ATP10B: variants seen among roughly 807,000 people sequenced by gnomAD.
The protein encoded by ATP10B is phospholipid-transporting ATPase VB.
A neutral mutation model predicts 141.2 loss-of-function variants in ATP10B; 122 were observed. That is an observed-to-expected ratio of 0.86 (90% CI 0.75 to 1.00). The LOEUF (loss-of-function observed/expected upper bound fraction) is 1.00. Among genes scored for constraint, ATP10B ranks in the 50% least tolerant of loss-of-function variants. The pLI, the probability that ATP10B is intolerant of heterozygous loss-of-function variation, is 0.00. For missense variants in ATP10B, 1,876 were observed against 1,825.3 expected (o/e 1.03, Z -0.51); for synonymous variants, 685 against 692.0 (o/e 0.99, Z 0.16).
Position 160,644,142 on chromosome 5 carries a change from A to G in ATP10B, c.864T>C (p.Tyr288=). Residue 288 remains tyrosine (Y), a synonymous_variant, in exon 9 of 26, where the codon TAT becomes TAC. Transcript: ENST00000327245. ...AGAAACTACCCAGACAATGACCTGC[A>G]TAGATGACAATGCCAACAGCCATCT... is the stretch of plus-strand genomic sequence containing the variant. The part of the protein sequence containing the change: ...NTEMAVGIVI[Y]AGHETKAMLN... 6.2e-7 allele frequency: 1 copy of G among 1,613,306 alleles called. No homozygotes were observed. Among genetic ancestry groups the G allele is most frequent in the Non-Finnish European group, 8.5e-7 (1 of 1,179,264 alleles).
Position 160,640,462 on chromosome 5 carries a change from T to C in ATP10B, c.999A>G (p.Val333=). ...ILILMCLIGA[V]GHSIWNGTFE... is the part of the protein sequence containing the mutation. ...TGTTCTTTCCAGAACATCCCATACC[T>C]ACAGCTCCAATAAGGCACATGAGGA... The change falls in exon 10 of 26, where the codon GTA becomes GTG. Residue 333 remains valine, a splice_region_variant and synonymous_variant. Coordinates refer to ENST00000327245, the MANE Select transcript of ATP10B (RefSeq NM_025153.3). 9.9e-6 allele frequency: 16 copies of C among 1,613,978 alleles called. No individual in the cohort carries two copies. Among genetic ancestry groups the C allele is most frequent in the Non-Finnish European group, 1.4e-5 (16 of 1,179,896 alleles).
the ATP10B span, among the ~76,000 whole-genome samples, chr5:160,867,643 A>G: frequency 1.3e-5 from 2 of 152,134 alleles, no homozygotes; most frequent in South Asian, 4.1e-4. Context: ...TAAATGACCA[A>G]TGTTACAGAA....
At chr5:160,700,380 T>C (rs1379300089) in intron 3 of ATP10B, among the ~76,000 whole-genome samples, 1 of 152,212 alleles carries the variant, frequency 6.6e-6, no homozygotes, top group Non-Finnish European at 1.5e-5. Context: ...TTAAGACCCA[T>C]ATACATCTCT....
At chr5:160,707,685 G>A (rs1302237201) in intron 3 of ATP10B, among the ~76,000 whole-genome samples, 1 of 152,104 alleles carries the variant, frequency 6.6e-6, no homozygotes, top group African/African-American at 2.4e-5. Context: ...CAGATGAGTG[G>A]AAGAGAATCT....
rs201312858 is a variant in ATP10B, at chr5:160,688,029, C to T, written c.46G>A (p.Val16Ile). Residue 16 changes from valine (V) to isoleucine (I), a missense_variant, in exon 5 of 26, where the codon GTC becomes ATC. By Grantham distance (29) the Val-to-Ile change is conservative. Transcript: ENST00000327245. ...DSSWHRWQWR[V>I]RDGFPHCPSE... ...GGACAATGGGGGAAGCCATCTCTGA[C>T]TCTCCACTGCCACCGATGCCACGAT... 2.5e-5 allele frequency: 40 copies of T among 1,613,726 alleles called. No homozygotes were observed. The highest frequency in any genetic ancestry group is 3.2e-5 in the Non-Finnish European group (38 of 1,180,016).
chr5:160,652,799 ATATTATAT>A (rs1760871358), intron 7 of ATP10B, among the ~76,000 whole-genome samples: 1 of 97,170 alleles, frequency 1.0e-5, no homozygotes, highest in South Asian at 2.6e-4. Flanking sequence ...AATATATAAT[ATATTATAT>A]AATATATTAT....
At chr5:160,847,768 G>A (rs1483592417) in intron 1 of ATP10B, among the ~76,000 whole-genome samples, 3 of 152,068 alleles carry the variant, frequency 2.0e-5, no homozygotes, top group African/African-American at 7.2e-5. Flanking sequence ...GGAAAAACGC[G>A]GGTTATTAAG....
intron 3 of ATP10B, chr5:160,691,599 A>G (rs1285647291): frequency 6.6e-6 from 1 of 152,232 alleles, no homozygotes; most frequent in African/African-American, 2.4e-5. Flanking sequence ...AGTACTATTA[A>G]TCTTACAATT....
At chr5:160,818,315 C>G (rs1305353850) in intron 1 of ATP10B, among the ~76,000 whole-genome samples, 1 of 152,150 alleles carries the variant, frequency 6.6e-6, no homozygotes, top group African/African-American at 2.4e-5. Flanking sequence ...ACAAAACAAA[C>G]AACCCCATCA....
rs141121124 is a variant in ATP10B, at chr5:160,809,292, G to C, written c.-575-23489C>G. Among the ~76,000 whole-genome samples, 1,039 of 152,292 alleles carry C rather than the reference G, an allele frequency of 6.8e-3. 1 individual carries two copies. The highest frequency in any genetic ancestry group is 0.014 in the Middle Eastern group (4 of 294). ...TCTGCTGGCCAAAATGGGCATGGGAGTAGCAGTTGCTGATCCCTGCTCTAA... is the reference window on the plus strand; with the variant it reads ...TCTGCTGGCCAAAATGGGCATGGGACTAGCAGTTGCTGATCCCTGCTCTAA... On this transcript the variant is annotated intron_variant, in intron 1 of 25. Transcript: ENST00000327245.
chr5:160,828,430 G>T (rs897778592), intron 1 of ATP10B, among the ~76,000 whole-genome samples: 77 of 152,204 alleles, frequency 5.1e-4, no homozygotes, highest in East Asian at 1.5e-3. Flanking sequence ...AGAAGACATT[G>T]ATGCAGCCAA....
At chr5:160,592,454 C>A (rs565245631) in intron 22 of ATP10B, among the ~76,000 whole-genome samples, 1 of 152,152 alleles carries the variant, frequency 6.6e-6, no homozygotes, top group Non-Finnish European at 1.5e-5. Flanking sequence ...CAAATAGGAA[C>A]AGCTCTGGTC....
intron 6 of ATP10B, among the ~76,000 whole-genome samples, chr5:160,682,833 A>T (rs1409290504): frequency 6.6e-6 from 1 of 151,978 alleles, no homozygotes; most frequent in Non-Finnish European, 1.5e-5. Context: ...AAGTCAGGAG[A>T]TTGAGACCAT....
chr5:160,603,303 C>G (rs975380233), intron 20 of ATP10B: 3 of 154,502 alleles, frequency 1.9e-5, no homozygotes, highest in Non-Finnish European at 4.3e-5. Context: ...AATGGAATAG[C>G]AATCCCTTAC....
chr5:160,763,432 T>C (rs1171240285), intron 2 of ATP10B, among the ~76,000 whole-genome samples: 1 of 151,980 alleles, frequency 6.6e-6, no homozygotes, highest in Admixed American at 6.5e-5. Flanking sequence ...TACAAATACA[T>C]GGAAATTAAC....
chr5:160,916,887 A>G, the ATP10B span, among the ~76,000 whole-genome samples: 1 of 152,076 alleles, frequency 6.6e-6, no homozygotes, highest in African/African-American at 2.4e-5. Flanking sequence ...TTCTCTTTCC[A>G]TCTACAGTGT....
the ATP10B span, among the ~76,000 whole-genome samples, chr5:160,884,125 A>G: frequency 6.6e-6 from 1 of 152,180 alleles, no homozygotes; most frequent in African/African-American, 2.4e-5. Flanking sequence ...AAGCCTGCCA[A>G]AATCTCATTG....
chr5:160,573,725 A>G (rs555645276), intron 24 of ATP10B, among the ~76,000 whole-genome samples: 4 of 152,266 alleles, frequency 2.6e-5, no homozygotes, highest in African/African-American at 9.6e-5. Flanking sequence ...CCACCCCTCA[A>G]TTCTATGGAA....
chr5:160,805,559 G>A (rs191057968), intron 1 of ATP10B, among the ~76,000 whole-genome samples: 211 of 152,262 alleles, frequency 1.4e-3, no homozygotes, highest in Non-Finnish European at 1.3e-3. Flanking sequence ...ACTGGGTCAC[G>A]CTCACCTGGA....
Sources: allele counts gnomAD v4.1 joint callset (sites outside exome capture counted in the v4.1 genomes callset), GRCh38; gene constraint gnomAD v4.1.1; transcripts MANE v1.5; gene names NCBI Gene and HGNC (gene_info 2026-07-23, HGNC 2026-07-21).